Variants in CSMD1 observed in about 807,000 individuals in gnomAD.
CSMD1 encodes the protein CUB and sushi domain-containing protein 1.
CSMD1 carries 213 observed loss-of-function variants against 417.5 expected under a neutral mutation model. The observed-to-expected ratio is 0.51, with a 90% CI of 0.46 to 0.57. CSMD1 has a LOEUF of 0.57. Ranked by LOEUF, CSMD1 falls within the 20% of genes least tolerant of loss-of-function variation. CSMD1 has a pLI of 0.00. For missense variants in CSMD1, 6,923 were observed against 4,529.7 expected, an observed-to-expected ratio of 1.53 and a Z score of -15.17; for synonymous variants, 2,862 against 1,736.8, an observed-to-expected ratio of 1.65 and a Z score of -16.11.
At chr8:4,282,901 A>G (rs979430363) in intron 3 of CSMD1, among the ~76,000 whole-genome samples, 1 of 152,208 alleles carries the variant, frequency 6.6e-6, no homozygotes, top group African/African-American at 2.4e-5. Flanking sequence ...GGTTGAACTT[A>G]CCACAGTTCA....
chr8:3,087,037 G>A, intron 49 of CSMD1, 60 bp downstream of exon 49: 2 of 1,382,104 alleles, frequency 1.4e-6, no homozygotes, highest in Non-Finnish European at 2.0e-6. Flanking sequence ...TTTTCAGAGA[G>A]TGATTAAAAT....
intron 2 of CSMD1, among the ~76,000 whole-genome samples, chr8:4,630,982 G>A (rs1258116410): frequency 6.6e-6 from 1 of 152,164 alleles, no homozygotes; most frequent in Non-Finnish European, 1.5e-5. Flanking sequence ...GTGTTCATAT[G>A]AGGCTGGTGT....
chr8:3,726,300 G>A (rs199869688), intron 6 of CSMD1, among the ~76,000 whole-genome samples: 1 of 152,156 alleles, frequency 6.6e-6, no homozygotes, highest in Non-Finnish European at 1.5e-5. Flanking sequence ...AAATACGTGA[G>A]CTCAGACACC....
At chr8:4,636,465 C>T (rs1044893350) in intron 2 of CSMD1, among the ~76,000 whole-genome samples, 2 of 152,152 alleles carry the variant, frequency 1.3e-5, no homozygotes, top group African/African-American at 2.4e-5. Context: ...GAATGTTGTT[C>T]CCTCACCCAC....
At chr8:4,991,321 T>C (rs951063679) in intron 1 of CSMD1, among the ~76,000 whole-genome samples, 2 of 152,192 alleles carry the variant, frequency 1.3e-5, no homozygotes, top group Non-Finnish European at 2.9e-5. Flanking sequence ...CCATTAATAA[T>C]CCAGAAGAAA....
At chr8:2,983,623 T>A (rs961359935) in intron 54 of CSMD1, among the ~76,000 whole-genome samples, 1 of 152,200 alleles carries the variant, frequency 6.6e-6, no homozygotes, top group Admixed American at 6.5e-5. Context: ...TATCCAAAAT[T>A]TGGCAAAAAA....
At chr8:4,741,693 T>C (rs988863164) in intron 1 of CSMD1, among the ~76,000 whole-genome samples, 1 of 152,160 alleles carries the variant, frequency 6.6e-6, no homozygotes, top group Non-Finnish European at 1.5e-5. Flanking sequence ...TTTTCCATTG[T>C]CTTCACTACT....
intron 37 of CSMD1, among the ~76,000 whole-genome samples, chr8:3,164,738 G>A (rs565394032): frequency 1.3e-5 from 2 of 152,086 alleles, no homozygotes; most frequent in African/African-American, 2.4e-5. Flanking sequence ...GACACAGAAC[G>A]AAGAATATCG....
chr8:3,926,080 C>CATAT (rs200097985), intron 5 of CSMD1, among the ~76,000 whole-genome samples: 1 of 52,272 alleles, frequency 1.9e-5, no homozygotes, highest in African/African-American at 1.0e-4. Context: ...ACACAAACAC[C>CATAT]ATACACACAC....
intron 1 of CSMD1, among the ~76,000 whole-genome samples, chr8:4,764,682 G>GT (rs1233854968): frequency 1.5e-5 from 2 of 131,998 alleles, no homozygotes; most frequent in African/African-American, 2.9e-5. Flanking sequence ...ATAAAAATTT[G>GT]TTAAAAAAAA....
chr8:4,128,077 A>T (rs933992089), intron 3 of CSMD1, among the ~76,000 whole-genome samples: 1 of 152,132 alleles, frequency 6.6e-6, no homozygotes, highest in African/African-American at 2.4e-5. Flanking sequence ...AAGACCTCAA[A>T]ATGGTTCCTC....
chr8:3,929,863 T>C (rs1398600129), intron 5 of CSMD1, among the ~76,000 whole-genome samples: 2 of 149,922 alleles, frequency 1.3e-5, no homozygotes, highest in Non-Finnish European at 3.0e-5. Flanking sequence ...GGTTTCACCA[T>C]ATTGGTCCCG....
At chr8:4,890,183 T>G (rs1804012758) in intron 1 of CSMD1, among the ~76,000 whole-genome samples, 1 of 152,156 alleles carries the variant, frequency 6.6e-6, no homozygotes. Flanking sequence ...TCTAGTCATT[T>G]TAGTCAATAT....
chr8:3,476,078 C>G (rs761917985), intron 11 of CSMD1, among the ~76,000 whole-genome samples: 1 of 152,190 alleles, frequency 6.6e-6, no homozygotes, highest in Non-Finnish European at 1.5e-5. Flanking sequence ...GGTGATGGCT[C>G]ATGCCTGTAA....
At position 4,140,896 on chromosome 8, in the gene CSMD1, G is replaced by C. The variant is rs140330279; in HGVS notation, c.416-108797C>G. ...GAGATTGCTGATCGCCAATGCACAG[G>C]CTCAGTAGGGCCGACTTACTGCTAA... On this transcript the variant is annotated intron_variant, in intron 3 of 69. Coordinates refer to ENST00000635120, the MANE Select transcript of CSMD1 (RefSeq NM_033225.6). Among the ~76,000 whole-genome samples, 40 of 151,126 alleles carry C rather than the reference G, an allele frequency of 2.6e-4. 2 individuals are homozygous for C. The highest frequency in any genetic ancestry group is 9.9e-4 in the African/African-American group (40 of 40,484).
chr8:4,425,663 G>A (rs1451527729), intron 2 of CSMD1, among the ~76,000 whole-genome samples: 1 of 147,610 alleles, frequency 6.8e-6, no homozygotes. Context: ...CTCACTTTGA[G>A]GAATCCCTGC....
chr8:3,171,970 C>T (rs1039771371), intron 37 of CSMD1, among the ~76,000 whole-genome samples: 2 of 152,104 alleles, frequency 1.3e-5, no homozygotes, highest in East Asian at 3.9e-4. Context: ...GCTTCTGTTT[C>T]CAAAGGCTAG....
At position 4,108,087 on chromosome 8, in the gene CSMD1, G is replaced by C. The variant is rs894329832; in HGVS notation, c.416-75988C>G. Among the ~76,000 whole-genome samples the C allele has an allele frequency of 5.9e-5, 9 of 151,594 alleles. 1 individual carries two copies. The highest frequency in any genetic ancestry group is 1.9e-4 in the African/African-American group (8 of 41,236). ...AGAGACAGAGACAGAGAGAGAGACA[G>C]AGAGAGAACAAGAAAAAGACGGAGG... On this transcript the variant is annotated intron_variant, in intron 3 of 69. Coordinates refer to ENST00000635120, the MANE Select transcript of CSMD1 (RefSeq NM_033225.6).
chr8:3,052,796 CTG>C, intron 49 of CSMD1, 149 bp from the exon 50 acceptor site: 7 of 525,412 alleles, frequency 1.3e-5, no homozygotes, highest in Non-Finnish European at 2.0e-5. Flanking sequence ...TTTTTTTTTT[CTG>C]GAGACAAGAG....
Sources: gnomAD v4.1 joint callset for allele counts (sites outside exome capture counted in the v4.1 genomes callset) on GRCh38, gnomAD v4.1.1 for gene constraint, MANE v1.5 for transcripts, NCBI Gene and HGNC (gene_info 2026-07-23, HGNC 2026-07-21) for gene names.